The following ANKRD31 variants were observed in gnomAD, a reference collection of about 807,000 sequenced individuals.
ANKRD31 encodes ankyrin repeat domain-containing protein 31.
In ANKRD31, 147 loss-of-function variants were observed where a neutral mutation model predicts 186.0. That is an observed-to-expected ratio of 0.79 (90% confidence interval 0.69 to 0.91). The LOEUF is 0.91. ANKRD31 is among the 40% of genes least tolerant of loss of function. ANKRD31 has a pLI of 0.00. For missense variants in ANKRD31, 1,986 were observed against 2,148.8 expected (o/e 0.92, Z 1.50); for synonymous variants, 673 against 736.4 (o/e 0.91, Z 1.39).
chr5:75,195,568 T>C lies in ANKRD31; in HGVS notation c.1017+63A>G, dbSNP rs768396. On this transcript the variant is annotated intron_variant, in intron 7 of 25. Coordinates refer to ENST00000506364, the MANE Select transcript of ANKRD31 (RefSeq NM_001372053.1). ...GCTCCACTGAAAGATGCTTGTCCTA[T>C]AGCTCAGCTAACTTGGAACCATGTT... 9.2e-4 allele frequency: 1,234 copies of C among 1,341,966 alleles called. 15 individuals carry two copies. In the African/African-American group the frequency reaches 0.016, roughly 18 times the overall value. The allele number at this position is 1,341,966 out of a possible 1,614,324, so 83.1% of individuals were successfully genotyped here.
In ANKRD31 at chr5:75,213,359, C is replaced by T. The variant is rs186141634; in HGVS notation, c.289-2494G>A. ...GACTGTACCTACTTAAGGTTCTACA[C>T]GGAACTCCTGGGCTCAAGCTATCTG... On this transcript the variant is annotated intron_variant, in intron 3 of 25. Transcript: ENST00000506364. 7.5e-4 allele frequency among the ~76,000 whole-genome samples: 114 copies of T among 152,284 alleles called. 1 individual carries two copies. Among genetic ancestry groups the T allele is most frequent in the African/African-American group, 2.6e-3 (107 of 41,550 alleles).
chr5:75,158,479 T>A (rs533737302), intron 11 of ANKRD31, among the ~76,000 whole-genome samples: 1 of 152,248 alleles, frequency 6.6e-6, no homozygotes, highest in East Asian at 1.9e-4. Context: ...TAATACATTA[T>A]CTTAAATGTC....
At chr5:75,174,179 T>C (rs1045315659) in intron 10 of ANKRD31, among the ~76,000 whole-genome samples, 1 of 152,162 alleles carries the variant, frequency 6.6e-6, no homozygotes, top group Non-Finnish European at 1.5e-5. Flanking sequence ...TAGCCATATA[T>C]AGAAAGCTGA....
chr5:75,074,206 A>G (rs935557768), intron 25 of ANKRD31, among the ~76,000 whole-genome samples: 13 of 152,242 alleles, frequency 8.5e-5, no homozygotes, highest in African/African-American at 3.1e-4. Flanking sequence ...CAGATCACAA[A>G]GCATAGTGTT....
chr5:75,118,115 A>C lies in ANKRD31; in HGVS notation c.4039+20T>G. ...GAGATATATCTCTATATAAAATAGC[A>C]GCAATATTGATATACATACCATTGA... is the stretch of plus-strand genomic sequence containing the variant. On this transcript the variant is annotated intron_variant, in intron 18 of 25. Coordinates refer to ENST00000506364, the MANE Select transcript of ANKRD31 (RefSeq NM_001372053.1). 7.3e-7 allele frequency: 1 copy of C among 1,370,080 alleles called. No homozygotes were observed. Among genetic ancestry groups the C allele is most frequent in the Non-Finnish European group, 9.4e-7 (1 of 1,065,940 alleles). 84.9% of individuals were successfully genotyped at this position (1,370,080 alleles called of 1,614,324 possible).
intron 22 of ANKRD31, 121 bp from the exon 23 acceptor site, chr5:75,091,522 A>G (rs919850477): frequency 4.7e-5 from 43 of 908,260 alleles, no homozygotes; most frequent in Non-Finnish European, 4.2e-5. Context: ...GTATTTTTGT[A>G]TATAAATTTA....
At chr5:75,227,207 T>G (rs1378407937) in intron 2 of ANKRD31, among the ~76,000 whole-genome samples, 1 of 152,196 alleles carries the variant, frequency 6.6e-6, no homozygotes, top group East Asian at 1.9e-4. Flanking sequence ...CTCATTTATT[T>G]GTGGGAGCCA....
chr5:75,110,717 A>AG (rs1317054097), intron 20 of ANKRD31, among the ~76,000 whole-genome samples: 1 of 150,656 alleles, frequency 6.6e-6, no homozygotes, highest in Non-Finnish European at 1.5e-5. Flanking sequence ...CAAAAAAAAA[A>AG]GCACCACTAA....
At chr5:75,235,859 C>T (rs905127891) in intron 1 of ANKRD31, among the ~76,000 whole-genome samples, 5 of 152,160 alleles carry the variant, frequency 3.3e-5, no homozygotes, top group African/African-American at 9.7e-5. Context: ...AAGGCTAACA[C>T]TCAAAGAAAC....
At position 75,203,925 on chromosome 5, in the gene ANKRD31, A is replaced by T. The variant is rs1300291097; in HGVS notation, c.403+2486T>A. On this transcript the variant is annotated intron_variant, in intron 5 of 25. Transcript: ENST00000506364. Reference sequence around the variant, plus strand: ...TAAATTTGGAGATCACGTTTTGCATAGTCTGAATTATATTAGGCCATTTGA... The same window carrying T: ...TAAATTTGGAGATCACGTTTTGCATTGTCTGAATTATATTAGGCCATTTGA... 2.6e-5 allele frequency among the ~76,000 whole-genome samples: 4 copies of T among 152,160 alleles called. No homozygotes were observed. The East Asian group carries it at 5.8e-4, about 22-fold the overall frequency.
intron 10 of ANKRD31, among the ~76,000 whole-genome samples, chr5:75,185,760 A>G (rs1754668254): frequency 2.0e-5 from 3 of 150,950 alleles, no homozygotes; most frequent in Non-Finnish European, 1.5e-5. Flanking sequence ...ATATACATGT[A>G]TTAAAAAAAC....
At chr5:75,193,169 T>C in intron 8 of ANKRD31, 142 bp downstream of exon 8, 2 of 1,057,932 alleles carry the variant, frequency 1.9e-6, no homozygotes, top group Non-Finnish European at 2.6e-6. Flanking sequence ...GATCAAAAAC[T>C]GCAAAATAAA....
Position 75,084,151 on chromosome 5 carries a change from TA to T in ANKRD31, c.5575+120del, listed in dbSNP as rs1263591143. ...ACTGAATTGTTCACCTTGAAATAGT[TA>T]ATTATAATGATTGTTAATTTCACAT... On this transcript the variant is annotated intron_variant, in intron 24 of 25. Coordinates refer to ENST00000506364, the MANE Select transcript of ANKRD31 (RefSeq NM_001372053.1). 4.0e-6 allele frequency: 3 copies of T among 744,198 alleles called. No homozygotes were observed. The African/African-American group carries it at 5.3e-5, about 13-fold the overall frequency. The allele number at this position is 744,198 out of a possible 1,614,324, so 46.1% of individuals were successfully genotyped here.
chr5:75,196,277 T>C, intron 6 of ANKRD31, 77 bp from the exon 7 acceptor site: 3 of 1,164,554 alleles, frequency 2.6e-6, no homozygotes, highest in Non-Finnish European at 3.4e-6. Flanking sequence ...TATAGTTTTA[T>C]AGTTTATCTT....
chr5:75,100,229 G>A (rs570748877), intron 22 of ANKRD31, among the ~76,000 whole-genome samples: 9 of 152,076 alleles, frequency 5.9e-5, no homozygotes, highest in East Asian at 1.9e-4. Flanking sequence ...GTATTTGAGC[G>A]GTTTTGAGTG....
chr5:75,078,137 AT>A (rs1744810271), intron 25 of ANKRD31, among the ~76,000 whole-genome samples: 1 of 152,140 alleles, frequency 6.6e-6, no homozygotes. Context: ...AAAAATTAAG[AT>A]TAAAAAAATG....
At chr5:75,222,501 A>AC (rs57235500) in intron 2 of ANKRD31, 143 bp from the exon 3 acceptor site, 9 of 684,784 alleles carry the variant, frequency 1.3e-5, no homozygotes, top group African/African-American at 1.3e-4. Context: ...CTAAAAAAAA[A>AC]CGAGATATAT....
intron 11 of ANKRD31, among the ~76,000 whole-genome samples, chr5:75,166,966 T>G (rs776506036): frequency 1.4e-4 from 21 of 152,182 alleles, no homozygotes; most frequent in Admixed American, 6.5e-5. Context: ...ATTTAAAGAA[T>G]ATAATTCATT....
chr5:75,165,102 T>G (rs1266587933), intron 11 of ANKRD31, among the ~76,000 whole-genome samples: 1 of 152,216 alleles, frequency 6.6e-6, no homozygotes, highest in Non-Finnish European at 1.5e-5. Context: ...ATTCAATGTC[T>G]TATGCTTTCA....
Sources: allele counts gnomAD v4.1 joint callset (sites outside exome capture counted in the v4.1 genomes callset), GRCh38; gene constraint gnomAD v4.1.1; transcripts MANE v1.5; gene names NCBI Gene and HGNC (gene_info 2026-07-23, HGNC 2026-07-21).